BTG4: variants seen among roughly 807,000 people sequenced by gnomAD.
The protein encoded by BTG4 is BTG anti-proliferation factor 4, also known as protein BTG4.
In BTG4, 10 loss-of-function variants were observed where a neutral mutation model predicts 19.3. The observed-to-expected ratio is 0.52, with a 90% CI of 0.32 to 0.88. BTG4 has a LOEUF of 0.88. BTG4 is among the 40% of genes least tolerant of loss of function. The pLI is 0.04. For missense variants in BTG4, 238 were observed against 281.9 expected (o/e 0.84, Z 1.11); for synonymous variants, 91 against 95.7 (o/e 0.95, Z 0.29).
intron 5 of BTG4, among the ~76,000 whole-genome samples, chr11:111,482,229 T>G (rs571646304): frequency 6.6e-6 from 1 of 152,048 alleles, no homozygotes; most frequent in African/African-American, 2.4e-5. Flanking sequence ...CATTTATAAT[T>G]GATCAAAAAA....
At chr11:111,451,908 A>G in the BTG4 span, among the ~76,000 whole-genome samples, 3 of 152,198 alleles carry the variant, frequency 2.0e-5, no homozygotes, top group Non-Finnish European at 4.4e-5. Context: ...GCAACCCAGC[A>G]TGTGCTGTGC....
chr11:111,440,399 C>T, the BTG4 span, among the ~76,000 whole-genome samples: 1 of 152,206 alleles, frequency 6.6e-6, no homozygotes, highest in Non-Finnish European at 1.5e-5. Context: ...AGCCACCAGC[C>T]CCTGTAACTA....
At chr11:111,412,530 GA>G in the BTG4 span, among the ~76,000 whole-genome samples, 1 of 152,150 alleles carries the variant, frequency 6.6e-6, no homozygotes, top group African/African-American at 2.4e-5. Flanking sequence ...AAAAGGGTTT[GA>G]GGCAGTTTAT....
chr11:111,416,805 G>A, the BTG4 span: 2 of 152,218 alleles, frequency 1.3e-5, no homozygotes, highest in Non-Finnish European at 2.9e-5. Context: ...ATGAGATACT[G>A]TGTAGGCCCA....
At chr11:111,510,444 C>T (rs1866807126) in intron 1 of BTG4, among the ~76,000 whole-genome samples, 1 of 152,202 alleles carries the variant, frequency 6.6e-6, no homozygotes, top group Non-Finnish European at 1.5e-5. Flanking sequence ...AAGGTGCCTT[C>T]CTTGTACTGT....
At chr11:111,384,035 A>G in the BTG4 span, among the ~76,000 whole-genome samples, 1 of 152,204 alleles carries the variant, frequency 6.6e-6, no homozygotes, top group African/African-American at 2.4e-5. Flanking sequence ...TTGGTTAGTG[A>G]TGCTATAGAA....
chr11:111,468,181 A>G (rs1387442613), intron 5 of BTG4, among the ~76,000 whole-genome samples: 1 of 152,182 alleles, frequency 6.6e-6, no homozygotes, highest in East Asian at 1.9e-4. Flanking sequence ...GGGTTTAATA[A>G]AACCAGAAAC....
the BTG4 span, chr11:111,455,930 A>G: frequency 2.6e-5 from 11 of 420,574 alleles, no homozygotes; most frequent in African/African-American, 4.0e-5. Context: ...CTGGCCCTGA[A>G]TCAGGGCAAC....
At chr11:111,395,116 A>C in the BTG4 span, among the ~76,000 whole-genome samples, 1 of 152,242 alleles carries the variant, frequency 6.6e-6, no homozygotes, top group African/African-American at 2.4e-5. Context: ...ATCCACAACC[A>C]GGAAGTAGGG....
the BTG4 span, chr11:111,404,685 G>T: frequency 2.2e-6 from 1 of 456,240 alleles, no homozygotes; most frequent in South Asian, 1.5e-5. Context: ...GGCAGGAGCT[G>T]CTGGGTGAAG....
chr11:111,429,499 G>A, the BTG4 span, among the ~76,000 whole-genome samples: 1 of 152,324 alleles, frequency 6.6e-6, no homozygotes, highest in South Asian at 2.1e-4. Context: ...CAAGAAGAAA[G>A]ATGCTTTGTA....
chr11:111,420,818 C>T, the BTG4 span, among the ~76,000 whole-genome samples: 5 of 152,118 alleles, frequency 3.3e-5, no homozygotes, highest in South Asian at 8.3e-4. Flanking sequence ...CAGGCCTTAC[C>T]CTCATGAAGC....
chr11:111,505,243 C>T (rs1033946947), intron 1 of BTG4, among the ~76,000 whole-genome samples: 16 of 151,898 alleles, frequency 1.1e-4, no homozygotes, highest in African/African-American at 3.6e-4. Flanking sequence ...TAACTAAAAT[C>T]GCATGGTACT....
intron 5 of BTG4, among the ~76,000 whole-genome samples, chr11:111,489,239 T>C (rs988094131): frequency 1.3e-5 from 2 of 151,902 alleles, no homozygotes; most frequent in Non-Finnish European, 2.9e-5. Flanking sequence ...TGAGATATCA[T>C]CTCACCCCAT....
At chr11:111,408,595 C>G in the BTG4 span, among the ~76,000 whole-genome samples, 1 of 152,224 alleles carries the variant, frequency 6.6e-6, no homozygotes, top group Non-Finnish European at 1.5e-5. Context: ...CAAAACAGAG[C>G]ACCTTTGCTT....
intron 1 of BTG4, among the ~76,000 whole-genome samples, chr11:111,499,363 C>A (rs1286637059): frequency 6.6e-6 from 1 of 152,202 alleles, no homozygotes; most frequent in Non-Finnish European, 1.5e-5. Flanking sequence ...TTTATATAAG[C>A]CTGGGCCCTA....
At chr11:111,443,983 T>G in the BTG4 span, among the ~76,000 whole-genome samples, 1 of 152,202 alleles carries the variant, frequency 6.6e-6, no homozygotes, top group Admixed American at 6.5e-5. Flanking sequence ...AACGGACATG[T>G]GCCTAAACGA....
chr11:111,417,222 T>G, the BTG4 span: 1 of 152,236 alleles, frequency 6.6e-6, no homozygotes, highest in Non-Finnish European at 1.5e-5. Flanking sequence ...CCAGCCCTGA[T>G]GAAGGATTAA....
intron 4 of BTG4, among the ~76,000 whole-genome samples, chr11:111,496,239 T>G (rs1404163617): frequency 1.3e-5 from 2 of 152,172 alleles, no homozygotes; most frequent in Non-Finnish European, 2.9e-5. Context: ...GAATAGCCAA[T>G]TCTAGAAAAA....
Sources: gnomAD v4.1 joint callset for allele counts (sites outside exome capture counted in the v4.1 genomes callset) on GRCh38, gnomAD v4.1.1 for gene constraint, MANE v1.5 for transcripts, NCBI Gene and HGNC (gene_info 2026-07-23, HGNC 2026-07-21) for gene names.